COL6A2: variants seen among roughly 807,000 people sequenced by gnomAD.
COL6A2 encodes the protein collagen alpha-2(VI) chain.
COL6A2 carries 90 observed loss-of-function variants against 124.9 expected under a neutral mutation model. The ratio of observed to expected loss-of-function variants is 0.72; its 90% CI spans 0.61 to 0.86. The LOEUF is 0.86. Ranked by LOEUF, COL6A2 falls within the 40% of genes least tolerant of loss-of-function variation. The probability of loss-of-function intolerance (pLI) is 0.00; values close to 1 mark genes in which losing one functional copy is unlikely to be tolerated. For missense variants in COL6A2, 1,607 were observed against 1,502.5 expected (o/e 1.07, Z -1.15); for synonymous variants, 793 against 618.2 (o/e 1.28, Z -4.19).
At chr21:46,100,448 G>C (rs973622257) in intron 1 of COL6A2, among the ~76,000 whole-genome samples, 2 of 152,118 alleles carry the variant, frequency 1.3e-5, no homozygotes, top group African/African-American at 4.8e-5. Context: ...TAAGTGTGCA[G>C]CTAGTTCAGC....
Position 46,122,035 on chromosome 21 carries a change from G to A in COL6A2, c.1522-73G>A, listed in dbSNP as rs189419384. The A allele has an allele frequency of 1.3e-4, 198 of 1,506,216 alleles. 1 individual carries two copies. The highest frequency in any genetic ancestry group is 8.4e-4 in the Admixed American group (49 of 58,292). 93.3% of individuals were successfully genotyped at this position (1,506,216 alleles called of 1,614,324 possible). ...ACTTCCACCCCAGTGTGCACCTTGCGCCCTGTTGAGCACAGCCCCCCAGCC... is the reference window on the plus strand; with the variant it reads ...ACTTCCACCCCAGTGTGCACCTTGCACCCTGTTGAGCACAGCCCCCCAGCC... On this transcript the variant is annotated intron_variant, in intron 18 of 27. Coordinates refer to ENST00000300527, the MANE Select transcript of COL6A2 (RefSeq NM_001849.4).
chr21:46,117,847 G>C, intron 11 of COL6A2, 27 bp from the exon 12 acceptor site: 1 of 1,602,524 alleles, frequency 6.2e-7, no homozygotes, highest in Non-Finnish European at 8.5e-7. Flanking sequence ...GCCGTGTGCC[G>C]AGCTCCACCT....
intron 20 of COL6A2, 57 bp downstream of exon 20, chr21:46,122,588 TTGCTGGGAACACAA>T (rs1380442027): frequency 7.6e-6 from 12 of 1,578,554 alleles, no homozygotes; most frequent in Non-Finnish European, 8.7e-6. Context: ...GCACGCCCAA[TTGCTGGGAACACAA>T]TGCCCACCGT....
At chr21:46,118,204 C>T (rs2078506766) in intron 12 of COL6A2, among the ~76,000 whole-genome samples, 1 of 152,140 alleles carries the variant, frequency 6.6e-6, no homozygotes, top group African/African-American at 2.4e-5. Flanking sequence ...GAGCCCCACC[C>T]ACACCTCCTG....
chr21:46,113,185 C>T lies in COL6A2; in HGVS notation c.735+361C>T, dbSNP rs577674839. ...ATCATCGGGGTCCATGACATCCCCA[C>T]CTCCCTGTGTGTCCCAGCTCCAGCT... On this transcript the variant is annotated intron_variant, in intron 4 of 27. Coordinates refer to ENST00000300527, the MANE Select transcript of COL6A2 (RefSeq NM_001849.4). 3.8e-4 allele frequency among the ~76,000 whole-genome samples: 58 copies of T among 152,232 alleles called. No homozygotes were observed. In the South Asian group the frequency reaches 0.012, roughly 32 times the overall value.
chr21:46,113,798 A>C lies in COL6A2; in HGVS notation c.736-210A>C, dbSNP rs146144164. ...AACTTGCCTAGAACACCTGACCGAGAGCCAAACTCTTTGGCTTGTCCCTGA... is the reference window on the plus strand; with the variant it reads ...AACTTGCCTAGAACACCTGACCGAGCGCCAAACTCTTTGGCTTGTCCCTGA... On this transcript the variant is annotated intron_variant, in intron 4 of 27. Coordinates refer to ENST00000300527, the MANE Select transcript of COL6A2 (RefSeq NM_001849.4). 4.9e-5 allele frequency: 31 copies of C among 635,046 alleles called. No homozygotes were observed. The East Asian group carries it at 5.8e-4, about 12-fold the overall frequency. The allele number at this position is 635,046 out of a possible 1,614,324, so 39.3% of individuals were successfully genotyped here.
At chr21:46,127,931 G>T (rs1262007481) in intron 27 of COL6A2, among the ~76,000 whole-genome samples, 1 of 152,206 alleles carries the variant, frequency 6.6e-6, no homozygotes, top group Non-Finnish European at 1.5e-5. Context: ...GCGTGCCCGG[G>T]ATAAACCCAC....
rs770813030 is a variant in COL6A2, at chr21:46,116,659, T to C, written c.936T>C (p.Phe312=). Residue 312 remains phenylalanine, a synonymous_variant, in exon 9 of 28, where the codon TTT becomes TTC. Transcript: ENST00000300527. This position sits in a 1 kb window ranked among gnomAD's most constrained non-coding sequence, Gnocchi z 4.6. ...VPGFKGEKGE[F]GADGRKGAPG... Reference sequence around the variant, plus strand: ...GCTTTCCTCCTACACAGGGTGAATTTGGAGCCGACGGTCGCAAGGTAGGCT... The same window carrying C: ...GCTTTCCTCCTACACAGGGTGAATTCGGAGCCGACGGTCGCAAGGTAGGCT... 7.4e-6 allele frequency: 12 copies of C among 1,612,998 alleles called. No homozygotes were observed. The highest frequency in any genetic ancestry group is 1.6e-4 in the Middle Eastern group (1 of 6,062).
Position 46,112,788 on chromosome 21 carries a change from T to C in COL6A2, c.715-16T>C, listed in dbSNP as rs772100871. The C allele has an allele frequency of 1.2e-6, 2 of 1,613,688 alleles. No individual in the cohort carries two copies. The highest frequency in any genetic ancestry group is 2.2e-5 in the South Asian group (2 of 91,072). On this transcript the variant is annotated splice_polypyrimidine_tract_variant and intron_variant, in intron 3 of 27. Coordinates refer to ENST00000300527, the MANE Select transcript of COL6A2 (RefSeq NM_001849.4). The stretch of plus-strand genomic sequence containing the variant: ...TCGAGGCACACGGCTAACCAGCATG[T>C]CTGTCTTTTCTGCAGAAACACGAAG...
chr21:46,121,640 G>A (rs1277740698), intron 18 of COL6A2, 22 bp downstream of exon 18: 1 of 1,611,892 alleles, frequency 6.2e-7, no homozygotes, highest in East Asian at 2.2e-5. Context: ...TCCCCCAGCA[G>A]GACGTATTAG....
In COL6A2 at chr21:46,125,328, G is replaced by A. The variant is rs746141660; in HGVS notation, c.1816+17G>A. ...GGTGCTGCGGTGAGGCACTGCCCAC[G>A]GCAGGGTCGGGGCCCATGCACCGGG... On this transcript the variant is annotated intron_variant, in intron 24 of 27. Coordinates refer to ENST00000300527, the MANE Select transcript of COL6A2 (RefSeq NM_001849.4). The A allele has an allele frequency of 2.2e-5, 33 of 1,492,644 alleles. No individual in the cohort carries two copies. Among genetic ancestry groups the A allele is most frequent in the South Asian group, 3.4e-5 (3 of 88,462 alleles). The allele number at this position is 1,492,644 out of a possible 1,614,324, so 92.5% of individuals were successfully genotyped here.
rs773974101 is a variant in COL6A2 at position 46,132,196 on chromosome 21, C to A, written c.2704C>A (p.His902Asn). The A allele has an allele frequency of 1.3e-6, 2 of 1,579,070 alleles. No individual in the cohort carries two copies. The highest frequency in any genetic ancestry group is 1.7e-6 in the Non-Finnish European group (2 of 1,163,752). ...FPLSHNLTAI[H>N]EALETTQYLN... ...GCTGAGCCACAACCTCACGGCCATCCACGAGGCGCTGGAGACCACACAATA... is the reference window on the plus strand; with the variant it reads ...GCTGAGCCACAACCTCACGGCCATCAACGAGGCGCTGGAGACCACACAATA... The change falls in exon 28 of 28, where the codon CAC (histidine) becomes AAC (asparagine). Residue 902 changes from histidine to asparagine, a missense_variant. Physicochemically the swap from His to Asn is moderately conservative, Grantham distance 68. Transcript: ENST00000300527.
chr21:46,129,342 C>G lies in COL6A2; in HGVS notation c.2462-2612C>G, dbSNP rs759517740. 2 of 1,612,956 alleles carry G rather than the reference C, an allele frequency of 1.2e-6. No homozygotes were observed. Among genetic ancestry groups the G allele is most frequent in the Non-Finnish European group, 1.7e-6 (2 of 1,179,956 alleles). The stretch of plus-strand genomic sequence containing the variant: ...GCAGGACCCGGCCGCCTACTCCCAG[C>G]TGGTGGCCGTGCTGGTCTACACCGC... On this transcript the variant is annotated intron_variant, in intron 27 of 27. Transcript: ENST00000300527.
intron 12 of COL6A2, among the ~76,000 whole-genome samples, chr21:46,118,265 GCCTGCAGTGTCGC>G (rs1568931134): frequency 6.6e-6 from 1 of 152,104 alleles, no homozygotes; most frequent in Non-Finnish European, 1.5e-5. Flanking sequence ...CTCCTGGGCC[GCCTGCAGTGTCGC>G]CCCGCCCCTG....
At position 46,125,607 on chromosome 21, in the gene COL6A2, G is replaced by A. The variant is rs547589437; in HGVS notation, c.1959G>A (p.Lys653=). Reference sequence around the variant, plus strand: ...TGGGTGCCATCGCTAAGGACCCCAAGTCCGAGACAGGTCAGCGGGGCAGGG... The same window carrying A: ...TGGGTGCCATCGCTAAGGACCCCAAATCCGAGACAGGTCAGCGGGGCAGGG... ...NRLGAIAKDP[K]SETGTRVGVV... is the part of the protein sequence containing the mutation. The change falls in exon 25 of 28, where the codon AAG becomes AAA. Residue 653 remains lysine, a synonymous_variant. Coordinates refer to ENST00000300527, the MANE Select transcript of COL6A2 (RefSeq NM_001849.4). The A allele has an allele frequency of 1.7e-5, 27 of 1,612,686 alleles. No individual in the cohort carries two copies. In the South Asian group the frequency reaches 1.9e-4, roughly 11 times the overall value.
chr21:46,129,106 C>T (rs1028440079), intron 27 of COL6A2: 1 of 1,605,118 alleles, frequency 6.2e-7, no homozygotes, highest in Non-Finnish European at 8.5e-7. Flanking sequence ...CCGCTCTTCA[C>T]TCTGGCCTCG....
intron 1 of COL6A2, among the ~76,000 whole-genome samples, chr21:46,103,874 G>C (rs536452627): frequency 3.3e-4 from 51 of 152,328 alleles, no homozygotes; most frequent in Admixed American, 2.4e-3. Flanking sequence ...TAAAGGGCTG[G>C]CACCCTTTTC....
chr21:46,116,649 A>G lies in COL6A2; in HGVS notation c.928-2A>G, dbSNP rs1440070681. On this transcript the variant is annotated splice_acceptor_variant, in intron 8 of 27. Coordinates refer to ENST00000300527, the MANE Select transcript of COL6A2 (RefSeq NM_001849.4). LOFTEE classifies it high-confidence loss of function. This position sits in a 1 kb window ranked among gnomAD's most constrained non-coding sequence, Gnocchi z 4.6. Reference sequence around the variant, plus strand: ...CACTGCGCCGGCTTTCCTCCTACACAGGGTGAATTTGGAGCCGACGGTCGC... The same window carrying G: ...CACTGCGCCGGCTTTCCTCCTACACGGGGTGAATTTGGAGCCGACGGTCGC... 1.2e-6 allele frequency: 2 copies of G among 1,612,952 alleles called. No individual in the cohort carries two copies. Among genetic ancestry groups the G allele is most frequent in the Non-Finnish European group, 1.7e-6 (2 of 1,179,994 alleles).
In COL6A2 at chr21:46,126,489, C is replaced by T. The variant is rs1393678112; in HGVS notation, c.2423-14C>T. ...CTGACCCTGGCCTGGCCCGGCCTCT[C>T]TCCTCTCTTCCAGACCCTCAGATCG... On this transcript the variant is annotated splice_polypyrimidine_tract_variant and intron_variant, in intron 26 of 27. Coordinates refer to ENST00000300527, the MANE Select transcript of COL6A2 (RefSeq NM_001849.4). The T allele has an allele frequency of 3.1e-6, 5 of 1,613,284 alleles. No individual in the cohort carries two copies. Among genetic ancestry groups the T allele is most frequent in the Non-Finnish European group, 2.5e-6 (3 of 1,179,686 alleles).
Sources: allele counts gnomAD v4.1 joint callset (sites outside exome capture counted in the v4.1 genomes callset), GRCh38; gene constraint gnomAD v4.1.1; non-coding constraint Gnocchi (gnomAD v3.1); transcripts MANE v1.5; gene names NCBI Gene and HGNC (gene_info 2026-07-23, HGNC 2026-07-21).